CCSER1: variants seen among roughly 807,000 people sequenced by gnomAD.
CCSER1 encodes the protein coiled-coil serine rich protein 1.
A neutral mutation model predicts 82.0 loss-of-function variants in CCSER1; 41 were observed. That is an observed-to-expected ratio of 0.50 (90% CI 0.39 to 0.65). The LOEUF is 0.65. Among genes scored for constraint, CCSER1 ranks in the 30% least tolerant of loss-of-function variants. The probability of loss-of-function intolerance (pLI) is 0.00; values close to 1 mark genes in which losing one functional copy is unlikely to be tolerated. For synonymous variants in CCSER1, 414 were observed against 383.9 expected (o/e 1.08, Z -0.92); for missense variants, 1,119 against 1,064.2 (o/e 1.05, Z -0.72).
At chr4:90,580,794 C>T (rs1781343387) in intron 5 of CCSER1, among the ~76,000 whole-genome samples, 1 of 152,162 alleles carries the variant, frequency 6.6e-6, no homozygotes, top group Non-Finnish European at 1.5e-5. Flanking sequence ...TCTATGATAA[C>T]ACTATTGTAG....
chr4:90,183,354 C>T (rs550495778), intron 1 of CCSER1, among the ~76,000 whole-genome samples: 2 of 152,044 alleles, frequency 1.3e-5, no homozygotes, highest in South Asian at 4.1e-4. Context: ...ACCAGTGAAA[C>T]CTGATAAAGG....
At chr4:90,935,900 G>A (rs375967029) in intron 9 of CCSER1, among the ~76,000 whole-genome samples, 27 of 152,010 alleles carry the variant, frequency 1.8e-4, no homozygotes, top group African/African-American at 5.8e-4. Flanking sequence ...CAGAAAGCTT[G>A]GTATAGTGAT....
At chr4:90,481,670 G>A (rs545893014) in intron 5 of CCSER1, among the ~76,000 whole-genome samples, 9 of 152,224 alleles carry the variant, frequency 5.9e-5, no homozygotes, top group East Asian at 5.8e-4. Flanking sequence ...GCTGGATTAC[G>A]TTTATTGATT....
At chr4:91,520,305 CT>C (rs35328076) in intron 10 of CCSER1, among the ~76,000 whole-genome samples, 35 of 146,236 alleles carry the variant, frequency 2.4e-4, no homozygotes, top group South Asian at 1.3e-3. Flanking sequence ...AAAACTGTTT[CT>C]TTTTTTTTTT....
chr4:91,080,803 A>T (rs1287558186), intron 9 of CCSER1, among the ~76,000 whole-genome samples: 1 of 152,216 alleles, frequency 6.6e-6, no homozygotes, highest in Non-Finnish European at 1.5e-5. Flanking sequence ...ATGCAAATAA[A>T]CCAGAAAATC....
chr4:90,854,637 A>G (rs1764259925), intron 8 of CCSER1, among the ~76,000 whole-genome samples: 2 of 151,958 alleles, frequency 1.3e-5, no homozygotes, highest in African/African-American at 4.8e-5. Flanking sequence ...CATTTGAGAT[A>G]TTTCCTTTTT....
chr4:90,133,988 T>C (rs1327756339), intron 1 of CCSER1, among the ~76,000 whole-genome samples: 3 of 152,224 alleles, frequency 2.0e-5, no homozygotes, highest in Non-Finnish European at 4.4e-5. Flanking sequence ...AGTCTTAGAA[T>C]TTTTGCAAAC....
At position 91,322,290 on chromosome 4, in the gene CCSER1, A is replaced by AT. The variant is rs201355977; in HGVS notation, c.2217+236302dup. Among the ~76,000 whole-genome samples the AT allele has an allele frequency of 4.6e-3, 705 of 152,118 alleles. 11 individuals are homozygous for AT. The highest frequency in any genetic ancestry group is 0.02 in the Admixed American group (305 of 15,236). On this transcript the variant is annotated intron_variant, in intron 10 of 10. Transcript: ENST00000509176. ...AGAGAGAGGTGAGTGGCTCAATTTA[A>AT]TTTTTTCTTGTAAATTCATCCCAAT...
intron 1 of CCSER1, among the ~76,000 whole-genome samples, chr4:90,137,549 C>T (rs553773100): frequency 1.8e-4 from 28 of 152,108 alleles, no homozygotes; most frequent in Non-Finnish European, 3.4e-4. Flanking sequence ...GTTCATTGGA[C>T]GGTGATATAG....
intron 10 of CCSER1, among the ~76,000 whole-genome samples, chr4:91,436,285 G>A (rs1922218): frequency 0.8 from 122,272 of 152,058 alleles, 49,372 homozygotes; most frequent in East Asian, 0.92. Flanking sequence ...TTAAATTAAG[G>A]TAATATATAT....
chr4:91,461,968 T>C (rs1756525700), intron 10 of CCSER1, among the ~76,000 whole-genome samples: 2 of 152,140 alleles, frequency 1.3e-5, no homozygotes, highest in Admixed American at 1.3e-4. Flanking sequence ...AAGAGCTCTT[T>C]TACTATCTAT....
intron 10 of CCSER1, among the ~76,000 whole-genome samples, chr4:91,418,209 T>C (rs1415807444): frequency 6.9e-6 from 1 of 145,628 alleles, no homozygotes; most frequent in African/African-American, 2.6e-5. Context: ...AAAGTTAGCA[T>C]CAGGAAAGAA....
At chr4:91,375,623 C>T (rs779734215) in intron 10 of CCSER1, among the ~76,000 whole-genome samples, 1 of 151,922 alleles carries the variant, frequency 6.6e-6, no homozygotes, top group Non-Finnish European at 1.5e-5. Context: ...TTCCACATCA[C>T]CCTCTGGTTA....
At chr4:90,801,027 C>A (rs1003042864) in intron 7 of CCSER1, among the ~76,000 whole-genome samples, 4 of 152,066 alleles carry the variant, frequency 2.6e-5, no homozygotes, top group African/African-American at 9.7e-5. Flanking sequence ...AAAAGTTGTA[C>A]AACCTCATTA....
intron 10 of CCSER1, among the ~76,000 whole-genome samples, chr4:91,136,798 TA>T (rs1294202687): frequency 1.3e-5 from 2 of 152,126 alleles, no homozygotes; most frequent in African/African-American, 4.8e-5. Context: ...TCATGGTTCT[TA>T]TTTTTTTGTA....
At chr4:90,503,535 T>A (rs1003569220) in intron 5 of CCSER1, among the ~76,000 whole-genome samples, 2 of 152,144 alleles carry the variant, frequency 1.3e-5, no homozygotes, top group Admixed American at 1.3e-4. Context: ...TAACATTAGG[T>A]ATATCTCCTA....
At chr4:90,546,579 A>G (rs1776781829) in intron 5 of CCSER1, among the ~76,000 whole-genome samples, 1 of 152,118 alleles carries the variant, frequency 6.6e-6, no homozygotes, top group South Asian at 2.1e-4. Context: ...AAAGTGAGGC[A>G]ATTTAGTAGA....
intron 10 of CCSER1, among the ~76,000 whole-genome samples, chr4:91,413,100 AT>A (rs1388190097): frequency 1.3e-5 from 2 of 152,148 alleles, no homozygotes; most frequent in Admixed American, 1.3e-4. Context: ...TAAAAAATTA[AT>A]GGAGAGCTTC....
chr4:91,031,100 C>T (rs1042942578), intron 9 of CCSER1, among the ~76,000 whole-genome samples: 7 of 152,094 alleles, frequency 4.6e-5, no homozygotes, highest in South Asian at 2.1e-4. Context: ...AGTGAAGTTG[C>T]GGATATTTTT....
Sources: gnomAD v4.1 joint callset for allele counts (sites outside exome capture counted in the v4.1 genomes callset) on GRCh38, gnomAD v4.1.1 for gene constraint, MANE v1.5 for transcripts, NCBI Gene and HGNC (gene_info 2026-07-23, HGNC 2026-07-21) for gene names.